CADM3: variants seen among roughly 807,000 people sequenced by gnomAD.
CADM3 encodes the protein TSLC1-like 1.
In CADM3, 11 loss-of-function variants were observed where a neutral mutation model predicts 44.9. The observed-to-expected ratio is 0.25, with a 90% CI of 0.15 to 0.41. The LOEUF (loss-of-function observed/expected upper bound fraction) is 0.41, where lower values mean the gene tolerates loss of function less well. Ranked by LOEUF, CADM3 falls within the 10% of genes least tolerant of loss-of-function variation. The pLI is 1.00. For synonymous variants in CADM3, 207 were observed against 205.2 expected, an observed-to-expected ratio of 1.01 and a Z score of -0.08; for missense variants, 426 against 512.0, an observed-to-expected ratio of 0.83 and a Z score of 1.62.
chr1:159,195,974 G>C (rs150159666), intron 5 of CADM3: 2 of 166,830 alleles, frequency 1.2e-5, no homozygotes, highest in Non-Finnish European at 2.6e-5. Context: ...AGAGCAGAGA[G>C]AACTGAGAAG....
At chr1:159,200,142 G>A (rs1024048867) in intron 8 of CADM3, among the ~76,000 whole-genome samples, 2 of 152,174 alleles carry the variant, frequency 1.3e-5, no homozygotes, top group African/African-American at 4.8e-5. Context: ...TTGCTCCCAT[G>A]CTGCTCTACC....
chr1:159,172,706 T>A (rs1054752285), intron 1 of CADM3, among the ~76,000 whole-genome samples: 1 of 151,946 alleles, frequency 6.6e-6, no homozygotes, highest in Non-Finnish European at 1.5e-5. Context: ...TTTGCCCCAG[T>A]CTGGAACTCA....
intron 1 of CADM3, among the ~76,000 whole-genome samples, chr1:159,189,041 T>A (rs1004305410): frequency 1.1e-4 from 17 of 152,172 alleles, no homozygotes; most frequent in African/African-American, 4.1e-4. Context: ...GGAAAAAAGA[T>A]AATTTGAGTA....
chr1:159,189,441 AC>A (rs2102117421), intron 1 of CADM3, among the ~76,000 whole-genome samples: 1 of 152,294 alleles, frequency 6.6e-6, no homozygotes, highest in South Asian at 2.1e-4. Context: ...GTCACTTTTA[AC>A]CTTTAAGGGT....
chr1:159,193,988 T>G lies in CADM3; in HGVS notation c.639T>G (p.His213Gln). The change falls in exon 5 of 9, where the codon CAT becomes CAG. Residue 213 changes from histidine to glutamine, a missense_variant. By Grantham distance (24) the His-to-Gln change is conservative. Coordinates refer to ENST00000368125, the MANE Select transcript of CADM3 (RefSeq NM_001127173.3). Reference sequence around the variant, plus strand: ...CGAGCATCGTGTGCTCTGTGAACCATGAATCTCTAAAGGGAGCTGACAGAT... The same window carrying G: ...CGAGCATCGTGTGCTCTGTGAACCAGGAATCTCTAAAGGGAGCTGACAGAT... ...DGASIVCSVN[H>Q]ESLKGADRST... The G allele has an allele frequency of 6.2e-7, 1 of 1,614,156 alleles. No individual in the cohort carries two copies. The highest frequency in any genetic ancestry group is 8.5e-7 in the Non-Finnish European group (1 of 1,180,040).
chr1:159,200,713 A>C, intron 8 of CADM3, 91 bp from the exon 9 acceptor site: 1 of 824,646 alleles, frequency 1.2e-6, no homozygotes, highest in Non-Finnish European at 1.9e-6. Context: ...TTACTTGAGC[A>C]GTGTGTGAGT....
At chr1:159,175,756 A>C (rs1648991498) in intron 1 of CADM3, among the ~76,000 whole-genome samples, 1 of 152,194 alleles carries the variant, frequency 6.6e-6, no homozygotes, top group South Asian at 2.1e-4. Flanking sequence ...ATCTAATTGC[A>C]AGAGTGCCTT....
intron 1 of CADM3, among the ~76,000 whole-genome samples, chr1:159,177,824 G>C (rs911102659): frequency 6.6e-6 from 1 of 152,176 alleles, no homozygotes; most frequent in African/African-American, 2.4e-5. Flanking sequence ...CAAAAGAACT[G>C]AATGTTTTGT....
rs1650201548 is a variant in CADM3, at chr1:159,201,441, G to C, written c.*519G>C. On this transcript the variant is annotated 3_prime_UTR_variant, in exon 9 of 9. Coordinates refer to ENST00000368125, the MANE Select transcript of CADM3 (RefSeq NM_001127173.3). ...TGGTTGTCGGCAAAGGTTGGGAGTG[G>C]CTTTTCCTCTGGTAGCCACACACCT... The C allele has an allele frequency of 6.6e-6, 1 of 152,306 alleles. No homozygotes were observed. The highest frequency in any genetic ancestry group is 1.5e-5 in the Non-Finnish European group (1 of 68,128). 9.4% of individuals were successfully genotyped at this position (152,306 alleles called of 1,614,324 possible). A position where few individuals can be genotyped will look rare whatever the true frequency, so the allele number is the denominator to read the frequency against.
At position 159,192,683 on chromosome 1, in the gene CADM3, T is replaced by A. The variant is rs1403587895; in HGVS notation, c.335T>A (p.Ile112Asn). ...LADEGEYTCS[I>N]FTMPVRTAKS... ...GACGAGGGCGAGTACACCTGCTCAATCTTCACTATGCCTGTGCGAACTGCC... is the reference window on the plus strand; with the variant it reads ...GACGAGGGCGAGTACACCTGCTCAAACTTCACTATGCCTGTGCGAACTGCC... The change falls in exon 3 of 9, where the codon ATC (isoleucine) becomes AAC (asparagine). Residue 112 changes from isoleucine (I) to asparagine (N), a missense_variant. By Grantham distance (149) the Ile-to-Asn change is moderately radical (BLOSUM62 -3). This residue lies in a region of CADM3 where 362 missense variants were observed against 474.6 expected (regional missense o/e 0.76). Transcript: ENST00000368125. The A allele has an allele frequency of 6.2e-7, 1 of 1,614,094 alleles. No homozygotes were observed. Among genetic ancestry groups the A allele is most frequent in the Non-Finnish European group, 8.5e-7 (1 of 1,180,024 alleles).
intron 7 of CADM3, chr1:159,197,868 T>C (rs530566629): frequency 1.3e-5 from 2 of 152,118 alleles, no homozygotes; most frequent in Admixed American, 1.3e-4. Context: ...CGATAAGAGG[T>C]CTGAGTTCTT....
Position 159,199,830 on chromosome 1 carries a change from G to C in CADM3, c.1032G>C (p.Leu344=), listed in dbSNP as rs1650075307. The C allele has an allele frequency of 6.8e-6, 11 of 1,614,038 alleles. No homozygotes were observed. The highest frequency in any genetic ancestry group is 8.5e-6 in the Non-Finnish European group (10 of 1,180,022). The change falls in exon 8 of 9, where the codon CTG becomes CTC. Residue 344 remains leucine (L), a synonymous_variant. Transcript: ENST00000368125. ...TCGTGGCTTTCATTGTCTTCCTGCTGCTCATCATGCTCATCTTCCTTGGCC... is the reference window on the plus strand; with the variant it reads ...TCGTGGCTTTCATTGTCTTCCTGCTCCTCATCATGCTCATCTTCCTTGGCC... ...GGIVAFIVFL[L]LIMLIFLGHY...
At chr1:159,177,662 C>T (rs3026968) in intron 1 of CADM3, among the ~76,000 whole-genome samples, 31,939 of 152,038 alleles carry the variant, frequency 0.21, 4,527 homozygotes, top group East Asian at 0.53. Context: ...TGACAAAACT[C>T]TGAGATATAG....
At chr1:159,190,690 C>T (rs1209725487) in intron 1 of CADM3, among the ~76,000 whole-genome samples, 1 of 152,196 alleles carries the variant, frequency 6.6e-6, no homozygotes, top group African/African-American at 2.4e-5. Context: ...CTGCTGGGAG[C>T]ACCCATTGGC....
chr1:159,198,397 G>A (rs183000537), intron 7 of CADM3, among the ~76,000 whole-genome samples: 49 of 152,208 alleles, frequency 3.2e-4, no homozygotes, highest in Admixed American at 3.9e-4. Context: ...CTCCCTGAGA[G>A]AGAGACAGCA....
chr1:159,197,400 GT>G (rs1649950762), intron 7 of CADM3: 1 of 215,716 alleles, frequency 4.6e-6, no homozygotes, highest in African/African-American at 2.3e-5. Flanking sequence ...GCAGGCGCAG[GT>G]GCATTTCCTT....
intron 2 of CADM3, 61 bp from the exon 3 acceptor site, chr1:159,192,517 G>A: frequency 5.0e-6 from 8 of 1,606,638 alleles, no homozygotes; most frequent in Middle Eastern, 1.7e-4. Context: ...GCCTGGGATT[G>A]GAAGGTAAAC....
In CADM3 at chr1:159,199,810, G is replaced by T. The variant is rs760084983; in HGVS notation, c.1012G>T (p.Ala338Ser). Residue 338 changes from alanine (A) to serine (S), a missense_variant, in exon 8 of 9, where the codon GCT (alanine) becomes TCT (serine). Physicochemically the swap from Ala to Ser is moderately conservative, Grantham distance 99. Around this residue, in one of 2 missense-constraint regions of CADM3, gnomAD observed 362 missense variants for 474.6 expected, o/e 0.76. Transcript: ENST00000368125. ...CCACGCCATCATCGGTGGGATCGTGGCTTTCATTGTCTTCCTGCTGCTCAT... is the reference window on the plus strand; with the variant it reads ...CCACGCCATCATCGGTGGGATCGTGTCTTTCATTGTCTTCCTGCTGCTCAT... ...TYHAIIGGIV[A>S]FIVFLLLIML... 1 of 1,613,876 alleles carries T rather than the reference G, an allele frequency of 6.2e-7. No homozygotes were observed. The highest frequency in any genetic ancestry group is 8.5e-7 in the Non-Finnish European group (1 of 1,180,028).
chr1:159,193,903 G>A lies in CADM3; in HGVS notation c.554G>A (p.Gly185Asp), dbSNP rs910006305. 5 of 1,614,024 alleles carry A rather than the reference G, an allele frequency of 3.1e-6. No individual in the cohort carries two copies. The Admixed American group carries it at 5.0e-5, about 16-fold the overall frequency. ...ACCCGCATACAGGAAGATCCCAATGGTAAAACCTTCACTGTCAGCAGCTCG... is the reference window on the plus strand; with the variant it reads ...ACCCGCATACAGGAAGATCCCAATGATAAAACCTTCACTGTCAGCAGCTCG... ...EPTRIQEDPNGKTFTVSSSVT... is the reference protein window; with the variant it reads ...EPTRIQEDPNDKTFTVSSSVT... The change falls in exon 5 of 9, where the codon GGT becomes GAT. Residue 185 changes from glycine to aspartate, a missense_variant. Around this residue, in one of 2 missense-constraint regions of CADM3, gnomAD observed 362 missense variants for 474.6 expected, o/e 0.76. Coordinates refer to ENST00000368125, the MANE Select transcript of CADM3 (RefSeq NM_001127173.3).
Sources: allele counts gnomAD v4.1 joint callset (sites outside exome capture counted in the v4.1 genomes callset), GRCh38; gene constraint gnomAD v4.1.1; regional missense constraint gnomAD v4.1.1; transcripts MANE v1.5; gene names NCBI Gene and HGNC (gene_info 2026-07-23, HGNC 2026-07-21).